Variants in EREG observed in about 807,000 individuals in gnomAD.
The protein encoded by EREG is proepiregulin.
A neutral mutation model predicts 22.4 loss-of-function variants in EREG; 23 were observed. The ratio of observed to expected loss-of-function variants is 1.03; its 90% CI spans 0.74 to 1.46. The LOEUF (loss-of-function observed/expected upper bound fraction) is 1.46, where lower values mean the gene tolerates loss of function less well. EREG is among the 40% of genes most tolerant of loss of function. The pLI, the probability that EREG is intolerant of heterozygous loss-of-function variation, is 0.00. For missense variants in EREG, 226 were observed against 205.9 expected (o/e 1.10, Z -0.60); for synonymous variants, 100 against 75.4 (o/e 1.33, Z -1.69).
chr4:74,377,695 A>T (rs1043097204), intron 1 of EREG, among the ~76,000 whole-genome samples: 1 of 152,254 alleles, frequency 6.6e-6, no homozygotes, highest in African/African-American at 2.4e-5. Context: ...CAGGAAACTT[A>T]TCATGGCCGA....
At chr4:74,377,218 T>C (rs752318310) in intron 1 of EREG, among the ~76,000 whole-genome samples, 1 of 151,100 alleles carries the variant, frequency 6.6e-6, no homozygotes, top group Non-Finnish European at 1.5e-5. Context: ...ATCTATAAGA[T>C]AGGAAAAATT....
In EREG at chr4:74,379,444, A is replaced by T; in HGVS notation, c.68-4A>T. The T allele has an allele frequency of 1.3e-6, 2 of 1,581,580 alleles. No individual in the cohort carries two copies. Among genetic ancestry groups the T allele is most frequent in the East Asian group, 4.5e-5 (2 of 44,670 alleles). ...TTATATATTCGATTTTTCTTCATAA[A>T]TAGGTTTCCATCTTCTACAGGCAGT... is the stretch of plus-strand genomic sequence containing the variant. On this transcript the variant is annotated splice_polypyrimidine_tract_variant and splice_region_variant and intron_variant, in intron 1 of 4. Transcript: ENST00000244869.
intron 4 of EREG, among the ~76,000 whole-genome samples, chr4:74,383,063 T>C (rs372712178): frequency 1.3e-5 from 2 of 152,342 alleles, no homozygotes; most frequent in African/African-American, 4.8e-5. Flanking sequence ...GAAATTATTT[T>C]TTAAAAATAT....
intron 1 of EREG, among the ~76,000 whole-genome samples, chr4:74,370,400 T>G (rs188544736): frequency 1.5e-4 from 23 of 152,354 alleles, no homozygotes; most frequent in African/African-American, 5.3e-4. Flanking sequence ...ACCACTATGT[T>G]ATAGACTCAA....
chr4:74,375,303 ATTCTTTTT>A (rs1159562049), intron 1 of EREG, among the ~76,000 whole-genome samples: 1 of 107,400 alleles, frequency 9.3e-6, no homozygotes, highest in African/African-American at 3.6e-5. Context: ...ATGACTAGCG[ATTCTTTTT>A]TTTTTTTTTT....
In EREG at chr4:74,385,653, C is replaced by T. The variant is rs1323667790; in HGVS notation, c.*845C>T. 2 of 350,100 alleles carry T rather than the reference C, an allele frequency of 5.7e-6. No individual in the cohort carries two copies. The highest frequency in any genetic ancestry group is 4.0e-5 in the East Asian group (1 of 25,268). 21.7% of individuals were successfully genotyped at this position (350,100 alleles called of 1,614,324 possible). A position where few individuals can be genotyped will look rare whatever the true frequency, so the allele number is the denominator to read the frequency against. On this transcript the variant is annotated 3_prime_UTR_variant, in exon 5 of 5. Coordinates refer to ENST00000244869, the MANE Select transcript of EREG (RefSeq NM_001432.3). ...TCCACACTTGAAGCCTAAATTTGTG[C>T]TTTTTAAGAATATTTTTAGACTATT...
At chr4:74,373,718 A>G (rs1185752393) in intron 1 of EREG, among the ~76,000 whole-genome samples, 1 of 148,206 alleles carries the variant, frequency 6.7e-6, no homozygotes, top group Non-Finnish European at 1.5e-5. Flanking sequence ...GTATGTATAT[A>G]TATAAGTATA....
intron 1 of EREG, among the ~76,000 whole-genome samples, chr4:74,375,990 A>G (rs953838204): frequency 1.4e-4 from 21 of 152,218 alleles, no homozygotes; most frequent in African/African-American, 4.6e-4. Context: ...ACTGTGTCCA[A>G]GGGAGCGTCA....
chr4:74,381,822 A>C (rs1331334717), intron 3 of EREG: 3 of 11,300 alleles, frequency 2.7e-4, no homozygotes, highest in Non-Finnish European at 4.3e-4. Flanking sequence ...TAAAAATACA[A>C]AAAAAAAAAA....
At position 74,365,350 on chromosome 4, in the gene EREG, G is replaced by A; in HGVS notation, c.42G>A (p.Arg14=). 6.2e-7 allele frequency: 1 copy of A among 1,610,524 alleles called. No individual in the cohort carries two copies. The highest frequency in any genetic ancestry group is 1.3e-5 in the African/African-American group (1 of 75,054). ...GGATGGAGATGCTCTGTGCCGGCAG[G>A]GTCCCTGCGCTGCTGCTCTGCCTGG... ...GRRMEMLCAG[R]VPALLLCLGF... is the part of the protein sequence containing the mutation. Residue 14 remains arginine (R), a synonymous_variant, in exon 1 of 5, where the codon AGG becomes AGA. Transcript: ENST00000244869.
chr4:74,374,569 G>A (rs775618470), intron 1 of EREG, among the ~76,000 whole-genome samples: 7 of 152,234 alleles, frequency 4.6e-5, no homozygotes, highest in Non-Finnish European at 8.8e-5. Context: ...ATGAAGCAAG[G>A]TCAAAATAAA....
chr4:74,369,980 A>C (rs1248149792), intron 1 of EREG, among the ~76,000 whole-genome samples: 1 of 152,028 alleles, frequency 6.6e-6, no homozygotes, highest in African/African-American at 2.4e-5. Context: ...AGTTCTTAGG[A>C]TGCCTTTTTA....
intron 1 of EREG, among the ~76,000 whole-genome samples, chr4:74,373,157 T>C (rs1056490024): frequency 1.3e-5 from 2 of 152,038 alleles, no homozygotes; most frequent in Admixed American, 1.3e-4. Context: ...GAACAAGATA[T>C]ACATCTTTAA....
In EREG at chr4:74,381,046, G is replaced by C. The variant is rs756509590; in HGVS notation, c.187G>C (p.Val63Leu). ...AGAAGACAATCCACGTGTGGCTCAA[G>C]TGTCAATAACAAAGTGTAGCTCTGA... ...QTEDNPRVAQVSITKCSSDMN... is the reference protein window; with the variant it reads ...QTEDNPRVAQLSITKCSSDMN... Residue 63 changes from valine (V) to leucine (L), a missense_variant, in exon 3 of 5, where the codon GTG (valine) becomes CTG (leucine). By Grantham distance (32) the Val-to-Leu change is conservative (BLOSUM62 1). Transcript: ENST00000244869. The C allele has an allele frequency of 6.2e-7, 1 of 1,613,670 alleles. No individual in the cohort carries two copies. The highest frequency in any genetic ancestry group is 1.3e-5 in the African/African-American group (1 of 74,922).
At position 74,388,546 on chromosome 4, in the gene EREG, A is replaced by C. The variant is rs1051596698; in HGVS notation, c.*3738A>C. 4 of 152,594 alleles carry C rather than the reference A, an allele frequency of 2.6e-5. No homozygotes were observed. The highest frequency in any genetic ancestry group is 9.7e-5 in the African/African-American group (4 of 41,450). 9.5% of individuals were successfully genotyped at this position (152,594 alleles called of 1,614,324 possible). ...AGTTGTATTGCATGCAATTTGAAGT[A>C]ACTTATTTGACTATGAATGTTATCG... On this transcript the variant is annotated 3_prime_UTR_variant, in exon 5 of 5. Coordinates refer to ENST00000244869, the MANE Select transcript of EREG (RefSeq NM_001432.3).
intron 1 of EREG, among the ~76,000 whole-genome samples, chr4:74,372,038 T>G (rs1304492474): frequency 6.6e-6 from 1 of 152,194 alleles, no homozygotes; most frequent in Non-Finnish European, 1.5e-5. Flanking sequence ...AGATATTTAT[T>G]GAGTAAACAT....
intron 1 of EREG, among the ~76,000 whole-genome samples, chr4:74,372,383 G>T (rs1051863788): frequency 1.3e-5 from 2 of 152,138 alleles, no homozygotes; most frequent in Non-Finnish European, 2.9e-5. Context: ...TATCCTTGCA[G>T]ATTCATGTTT....
At position 74,385,999 on chromosome 4, in the gene EREG, C is replaced by T. The variant is rs931660251; in HGVS notation, c.*1191C>T. The T allele has an allele frequency of 4.0e-5, 15 of 375,850 alleles. No homozygotes were observed. Among genetic ancestry groups the T allele is most frequent in the Admixed American group, 3.2e-4 (7 of 21,862 alleles). 23.3% of individuals were successfully genotyped at this position (375,850 alleles called of 1,614,324 possible). A position where few individuals can be genotyped will look rare whatever the true frequency, so the allele number is the denominator to read the frequency against. On this transcript the variant is annotated 3_prime_UTR_variant, in exon 5 of 5. Coordinates refer to ENST00000244869, the MANE Select transcript of EREG (RefSeq NM_001432.3). ...TTAAAATGTAGAAACTTAAACACAC[C>T]TTCCTGTGGAGGCTGAGATGAAAAC...
At position 74,386,983 on chromosome 4, in the gene EREG, G is replaced by C. The variant is rs373490285; in HGVS notation, c.*2175G>C. 25 of 152,184 alleles carry C rather than the reference G, an allele frequency of 1.6e-4. No individual in the cohort carries two copies. Among genetic ancestry groups the C allele is most frequent in the African/African-American group, 5.8e-4 (24 of 41,490 alleles). The allele number at this position is 152,184 out of a possible 1,614,324, so 9.4% of individuals were successfully genotyped here. A position where few individuals can be genotyped will look rare whatever the true frequency, so the allele number is the denominator to read the frequency against. On this transcript the variant is annotated 3_prime_UTR_variant, in exon 5 of 5. Coordinates refer to ENST00000244869, the MANE Select transcript of EREG (RefSeq NM_001432.3). ...TTTTTGTATTTTTAGTAGAGGCGGG[G>C]TTTCACCATGTTGGCCAGGATGGTC... is the stretch of plus-strand genomic sequence containing the variant.
Sources: gnomAD v4.1 joint callset for allele counts (sites outside exome capture counted in the v4.1 genomes callset) on GRCh38, gnomAD v4.1.1 for gene constraint, MANE v1.5 for transcripts, NCBI Gene and HGNC (gene_info 2026-07-23, HGNC 2026-07-21) for gene names.